NFATC2: variants seen among roughly 807,000 people sequenced by gnomAD.
NFATC2 encodes the protein nuclear factor of activated T-cells, cytoplasmic 2.
Under a neutral mutation model 87.3 loss-of-function variants are expected in NFATC2, and 22 were observed. The ratio of observed to expected loss-of-function variants is 0.25; its 90% confidence interval spans 0.18 to 0.36. NFATC2 has a LOEUF of 0.36. Ranked by LOEUF, NFATC2 falls within the 10% of genes least tolerant of loss-of-function variation. The pLI, the probability that NFATC2 is intolerant of heterozygous loss-of-function variation, is 1.00. For synonymous variants in NFATC2, 565 were observed against 542.2 expected, an observed-to-expected ratio of 1.04 and a Z score of -0.58; for missense variants, 1,149 against 1,259.1, an observed-to-expected ratio of 0.91 and a Z score of 1.32.
intron 3 of NFATC2, among the ~76,000 whole-genome samples, chr20:51,495,138 G>A (rs1231338012): frequency 6.6e-6 from 1 of 152,130 alleles, no homozygotes; most frequent in Non-Finnish European, 1.5e-5. Flanking sequence ...AGGCTGGAGT[G>A]CAGTGGCACC....
intron 9 of NFATC2, among the ~76,000 whole-genome samples, chr20:51,411,861 G>A (rs1238189989): frequency 6.6e-6 from 1 of 152,036 alleles, no homozygotes; most frequent in South Asian, 2.1e-4. Flanking sequence ...TTTCTGCCTG[G>A]CACACAGTAG....
intron 3 of NFATC2, among the ~76,000 whole-genome samples, chr20:51,489,284 C>G (rs6126240): frequency 0.24 from 35,866 of 152,122 alleles, 4,372 homozygotes; most frequent in East Asian, 0.33. Flanking sequence ...CTCCCTCCTT[C>G]CTTGGAATTC....
intron 1 of NFATC2, among the ~76,000 whole-genome samples, chr20:51,551,857 C>T (rs775909873): frequency 2.0e-5 from 3 of 151,388 alleles, no homozygotes; most frequent in Non-Finnish European, 4.4e-5. Flanking sequence ...GAAACCCAAT[C>T]TCTACTAAAA....
intron 5 of NFATC2, among the ~76,000 whole-genome samples, chr20:51,472,623 T>TTTC (rs1472130486): frequency 1.3e-5 from 2 of 148,346 alleles, no homozygotes; most frequent in South Asian, 2.1e-4. Flanking sequence ...TTTTTTCTTC[T>TTTC]TTCTTCTTTT....
chr20:51,415,323 T>G (rs1979896201), intron 9 of NFATC2, among the ~76,000 whole-genome samples: 1 of 152,182 alleles, frequency 6.6e-6, no homozygotes, highest in Non-Finnish European at 1.5e-5. Context: ...TTTCCTTGTG[T>G]GTCTGCATCT....
intron 5 of NFATC2, among the ~76,000 whole-genome samples, chr20:51,458,220 T>C (rs976954108): frequency 6.6e-6 from 1 of 152,152 alleles, no homozygotes; most frequent in Non-Finnish European, 1.5e-5. Flanking sequence ...TTGACACTAT[T>C]GCCATTTGGA....
intron 1 of NFATC2, among the ~76,000 whole-genome samples, chr20:51,538,474 A>T (rs2076756110): frequency 6.6e-6 from 1 of 152,216 alleles, no homozygotes. Flanking sequence ...CTCCAAGGCA[A>T]GGATGCCCAC....
intron 10 of NFATC2, among the ~76,000 whole-genome samples, chr20:51,395,766 C>T (rs1047441665): frequency 3.3e-5 from 5 of 151,868 alleles, no homozygotes; most frequent in African/African-American, 1.2e-4. Context: ...AGAGGTGTTT[C>T]AACTCAGTAA....
intron 1 of NFATC2, among the ~76,000 whole-genome samples, chr20:51,541,227 C>T (rs1339787847): frequency 2.0e-5 from 3 of 152,042 alleles, no homozygotes; most frequent in Admixed American, 6.5e-5. Flanking sequence ...GCTTCCTCCA[C>T]GAGCCAGTCA....
intron 10 of NFATC2, among the ~76,000 whole-genome samples, chr20:51,397,380 C>G (rs908690746): frequency 1.3e-5 from 2 of 152,196 alleles, no homozygotes; most frequent in Non-Finnish European, 2.9e-5. Flanking sequence ...TAGCCCAGAG[C>G]TGTGGGTGGG....
chr20:51,408,511 TTA>T (rs1568938222), intron 9 of NFATC2, among the ~76,000 whole-genome samples: 4 of 125,344 alleles, frequency 3.2e-5, no homozygotes, highest in Non-Finnish European at 4.8e-5. Flanking sequence ...AAGACTCTTT[TTA>T]AAAAAAAAAA....
At chr20:51,468,200 G>A (rs537110875) in intron 5 of NFATC2, among the ~76,000 whole-genome samples, 196 of 152,318 alleles carry the variant, frequency 1.3e-3, no homozygotes, top group Non-Finnish European at 2.3e-3. Context: ...CATGGGGAAC[G>A]TTCAAGAGTG....
At chr20:51,466,567 C>G (rs912427868) in intron 5 of NFATC2, among the ~76,000 whole-genome samples, 3 of 152,152 alleles carry the variant, frequency 2.0e-5, no homozygotes, top group Admixed American at 6.5e-5. Context: ...TGGACCCTAC[C>G]CCACACGATA....
At chr20:51,436,782 T>C (rs945649398) in intron 6 of NFATC2, among the ~76,000 whole-genome samples, 2 of 152,092 alleles carry the variant, frequency 1.3e-5, no homozygotes, top group East Asian at 1.9e-4. Flanking sequence ...TTAAAAAGCA[T>C]TGTTATATGT....
Position 51,392,893 on chromosome 20 carries a change from G to A in NFATC2, c.*45-1442C>T, listed in dbSNP as rs563891227. Reference sequence around the variant, plus strand: ...AGTCGGGGAATGCAAAGAGCTGAATGAACCGGGTTTGATTCTCAGCTCGTT... The same window carrying A: ...AGTCGGGGAATGCAAAGAGCTGAATAAACCGGGTTTGATTCTCAGCTCGTT... On this transcript the variant is annotated intron_variant, in intron 10 of 10. Transcript: ENST00000371564. 2.5e-3 allele frequency among the ~76,000 whole-genome samples: 382 copies of A among 152,318 alleles called. 2 individuals carry two copies. The highest frequency in any genetic ancestry group is 8.5e-3 in the African/African-American group (355 of 41,558).
chr20:51,509,521 C>G (rs747885577), intron 3 of NFATC2, among the ~76,000 whole-genome samples: 2 of 152,174 alleles, frequency 1.3e-5, no homozygotes. Context: ...CTTCCCCTCC[C>G]CAGGAGGTCC....
intron 3 of NFATC2, among the ~76,000 whole-genome samples, chr20:51,487,739 C>G (rs1228912214): frequency 6.6e-6 from 1 of 152,112 alleles, no homozygotes; most frequent in African/African-American, 2.4e-5. Flanking sequence ...CACCTCCGCC[C>G]CCACACCAAA....
intron 3 of NFATC2, among the ~76,000 whole-genome samples, chr20:51,482,482 T>C (rs1989346613): frequency 6.6e-6 from 1 of 152,186 alleles, no homozygotes; most frequent in African/African-American, 2.4e-5. Flanking sequence ...TGTACATCCT[T>C]CCAAACTTTT....
At chr20:51,430,334 T>TTCTGCCTCATTGATCCA (rs1982512432) in intron 9 of NFATC2, among the ~76,000 whole-genome samples, 2 of 152,076 alleles carry the variant, frequency 1.3e-5, no homozygotes, top group African/African-American at 4.8e-5. Flanking sequence ...TCATTGATCC[T>TTCTGCCTCATTGATCCA]CCACGTTCTG....
Sources: gnomAD v4.1 joint callset for allele counts (sites outside exome capture counted in the v4.1 genomes callset) on GRCh38, gnomAD v4.1.1 for gene constraint, MANE v1.5 for transcripts, NCBI Gene and HGNC (gene_info 2026-07-23, HGNC 2026-07-21) for gene names.